CAMK1G: variants seen among roughly 807,000 people sequenced by gnomAD.
CAMK1G encodes the protein calcium/calmodulin dependent protein kinase IG, also known as calcium/calmodulin-dependent protein kinase type 1G.
Under a neutral mutation model 54.8 loss-of-function variants are expected in CAMK1G, and 27 were observed. The ratio of observed to expected loss-of-function variants is 0.49; its 90% CI spans 0.36 to 0.68. The LOEUF (loss-of-function observed/expected upper bound fraction) is 0.68, where lower values mean the gene tolerates loss of function less well. Among genes scored for constraint, CAMK1G ranks in the 30% least tolerant of loss-of-function variants. CAMK1G has a pLI of 0.00. For synonymous variants in CAMK1G, 238 were observed against 224.9 expected (o/e 1.06, Z -0.52); for missense variants, 512 against 591.0 (o/e 0.87, Z 1.39).
At chr1:209,610,288 A>G (rs1335817394) in intron 9 of CAMK1G, among the ~76,000 whole-genome samples, 1 of 152,244 alleles carries the variant, frequency 6.6e-6, no homozygotes, top group African/African-American at 2.4e-5. Flanking sequence ...TCAGGGATCA[A>G]TAACTGTTCC....
intron 2 of CAMK1G, among the ~76,000 whole-genome samples, chr1:209,596,661 C>CCACACA (rs55936082): frequency 0.017 from 2,508 of 148,168 alleles, 41 homozygotes; most frequent in East Asian, 0.073. Context: ...CACACACACA[C>CCACACA]CACACACACA....
chr1:209,605,687 G>T lies in CAMK1G; in HGVS notation c.435+13G>T. On this transcript the variant is annotated intron_variant, in intron 5 of 12. Coordinates refer to ENST00000361322, the MANE Select transcript of CAMK1G (RefSeq NM_020439.3). ...CAGAGACTTAAAGGTGTCAAGGCGGGAGTCCTGGGTGGGAAACAGATAATG... is the reference window on the plus strand; with the variant it reads ...CAGAGACTTAAAGGTGTCAAGGCGGTAGTCCTGGGTGGGAAACAGATAATG... 1 of 1,611,020 alleles carries T rather than the reference G, an allele frequency of 6.2e-7. No homozygotes were observed.
At chr1:209,584,073 C>T (rs571901641) in intron 1 of CAMK1G, 2 of 152,320 alleles carry the variant, frequency 1.3e-5, no homozygotes, top group African/African-American at 2.4e-5. Context: ...TTCATGTGCC[C>T]CTCCTGCAAT....
intron 2 of CAMK1G, among the ~76,000 whole-genome samples, chr1:209,597,570 C>T (rs1255436755): frequency 2.0e-5 from 3 of 152,172 alleles, no homozygotes; most frequent in African/African-American, 7.2e-5. Flanking sequence ...TTTTAATTTC[C>T]AGTGTCTAAT....
At chr1:209,586,675 C>T (rs933154278) in intron 1 of CAMK1G, among the ~76,000 whole-genome samples, 3 of 152,122 alleles carry the variant, frequency 2.0e-5, no homozygotes, top group Non-Finnish European at 4.4e-5. Flanking sequence ...CTTTTGTGCC[C>T]ATTGAAGCAT....
rs772219308 is a variant in CAMK1G at position 209,611,856 on chromosome 1, C to T, written c.980C>T (p.Pro327Leu). The T allele has an allele frequency of 1.9e-5, 31 of 1,614,112 alleles. No homozygotes were observed. Among genetic ancestry groups the T allele is most frequent in the Admixed American group, 1.5e-4 (9 of 60,014 alleles). The change falls in exon 11 of 13, where the codon CCG becomes CTG. Residue 327 changes from proline to leucine, a missense_variant. Physicochemically the swap from Pro to Leu is moderately conservative, Grantham distance 98. This residue lies in a region of CAMK1G where 315 missense variants were observed against 330.5 expected (regional missense o/e 0.95). Transcript: ENST00000361322. ...AAGCTACACATGAACCTGCACAGCC[C>T]GGGCGTCCGCCCAGAGGTGGAGAAC... ...MRKLHMNLHSPGVRPEVENRP... is the reference protein window; with the variant it reads ...MRKLHMNLHSLGVRPEVENRP...
intron 6 of CAMK1G, among the ~76,000 whole-genome samples, chr1:209,607,222 C>G (rs143468384): frequency 7.4e-4 from 112 of 152,286 alleles, no homozygotes; most frequent in African/African-American, 2.6e-3. Flanking sequence ...GTACAAAGCT[C>G]TGGTAGCTGC....
At chr1:209,611,131 A>T (rs1303769932) in intron 9 of CAMK1G, among the ~76,000 whole-genome samples, 2 of 152,248 alleles carry the variant, frequency 1.3e-5, no homozygotes, top group Non-Finnish European at 2.9e-5. Flanking sequence ...CTGCTGTCAC[A>T]GTGCAAAAGG....
Position 209,613,075 on chromosome 1 carries a change from G to T in CAMK1G, c.*73G>T. 9.5e-6 allele frequency: 5 copies of T among 528,546 alleles called. No homozygotes were observed. The highest frequency in any genetic ancestry group is 1.7e-5 in the Non-Finnish European group (5 of 289,842). 32.7% of individuals were successfully genotyped at this position (528,546 alleles called of 1,614,324 possible). ...CAACTCCTCTGCTCTTCCAAACCTG[G>T]TGTCTATCCGGCAGAGGGAGGAAGG... On this transcript the variant is annotated 3_prime_UTR_variant, in exon 13 of 13. Coordinates refer to ENST00000361322, the MANE Select transcript of CAMK1G (RefSeq NM_020439.3).
rs370631457 is a variant in CAMK1G at position 209,611,471 on chromosome 1, C to T, written c.834C>T (p.Asp278=). ...TCCCCTCTTACATCCACAGGATTGA[C>T]GGAAACACAGCCCTCCACCGGGACA... ...CEKALSHPWI[D]GNTALHRDIY... Residue 278 remains aspartate (D), a synonymous_variant, in exon 10 of 13, where the codon GAC becomes GAT. Coordinates refer to ENST00000361322, the MANE Select transcript of CAMK1G (RefSeq NM_020439.3). The T allele has an allele frequency of 7.7e-5, 125 of 1,614,070 alleles. No individual in the cohort carries two copies. Among genetic ancestry groups the T allele is most frequent in the Non-Finnish European group, 9.5e-5 (112 of 1,179,980 alleles).
At chr1:209,588,691 T>G (rs748144028) in intron 1 of CAMK1G, among the ~76,000 whole-genome samples, 1 of 152,156 alleles carries the variant, frequency 6.6e-6, no homozygotes, top group Non-Finnish European at 1.5e-5. Flanking sequence ...AGGAGGCCAC[T>G]GCAGACAAAG....
At chr1:209,605,318 T>C (rs988694310) in intron 4 of CAMK1G, among the ~76,000 whole-genome samples, 2 of 152,176 alleles carry the variant, frequency 1.3e-5, no homozygotes, top group Non-Finnish European at 2.9e-5. Context: ...GAGAGGTCAA[T>C]GCTTGGCCCA....
rs564689200 is a variant in CAMK1G, at chr1:209,595,707, G to A, written c.92+632G>A. 1.7e-3 allele frequency among the ~76,000 whole-genome samples: 252 copies of A among 152,326 alleles called. 1 individual carries two copies. Among genetic ancestry groups the A allele is most frequent in the African/African-American group, 5.4e-3 (224 of 41,570 alleles). Reference sequence around the variant, plus strand: ...GGGACTTTTGAGGCCCAGGGAGCTCGTGGGTCACACACACCTGAATCAGCC... The same window carrying A: ...GGGACTTTTGAGGCCCAGGGAGCTCATGGGTCACACACACCTGAATCAGCC... On this transcript the variant is annotated intron_variant, in intron 2 of 12. Coordinates refer to ENST00000361322, the MANE Select transcript of CAMK1G (RefSeq NM_020439.3).
chr1:209,605,781 C>A (rs11119313), intron 5 of CAMK1G, 107 bp downstream of exon 5: 187,625 of 1,112,176 alleles, frequency 0.17, 16,984 homozygotes, highest in African/African-American at 0.3. Context: ...GGACTAGTGA[C>A]TCCCAAGGCC....
chr1:209,604,709 G>A (rs1482917051), intron 4 of CAMK1G, among the ~76,000 whole-genome samples: 1 of 152,170 alleles, frequency 6.6e-6, no homozygotes, highest in Non-Finnish European at 1.5e-5. Flanking sequence ...AAGCCCTCCG[G>A]AGAGCATTTC....
chr1:209,594,971 A>C lies in CAMK1G; in HGVS notation c.-13A>C, dbSNP rs116319471. ...GCAATAAAGCATCCTCAGAAGCTTC[A>C]ACTCTGGAGGCAATGGGTCGAAAGG... On this transcript the variant is annotated 5_prime_UTR_variant, in exon 2 of 13. Transcript: ENST00000361322. 5.4e-4 allele frequency: 872 copies of C among 1,612,198 alleles called. 6 individuals are homozygous for C. The African/African-American group carries it at 0.011, about 20-fold the overall frequency.
In CAMK1G at chr1:209,609,954, T is replaced by C. The variant is rs200728472; in HGVS notation, c.827+25T>C. 6.7e-4 allele frequency: 1,067 copies of C among 1,584,324 alleles called. No individual in the cohort carries two copies. The Middle Eastern group carries it at 0.012, about 18-fold the overall frequency. On this transcript the variant is annotated intron_variant, in intron 9 of 12. Transcript: ENST00000361322. ...GGTGAGTGAGACATGGAGTGGACTC[T>C]AGACCCCAGCCCTGTAGTTCCCAAA...
intron 7 of CAMK1G, 84 bp from the exon 8 acceptor site, chr1:209,608,896 C>T: frequency 2.5e-6 from 4 of 1,570,548 alleles, no homozygotes; most frequent in Non-Finnish European, 3.5e-6. Context: ...CCTGTGTATA[C>T]AGTGGGAGCT....
chr1:209,591,355 C>T (rs190292080), intron 1 of CAMK1G, among the ~76,000 whole-genome samples: 1 of 152,308 alleles, frequency 6.6e-6, no homozygotes, highest in Non-Finnish European at 1.5e-5. Context: ...TTCTCACATG[C>T]ATTTTTTAAT....
Sources: gnomAD v4.1 joint callset for allele counts (sites outside exome capture counted in the v4.1 genomes callset) on GRCh38, gnomAD v4.1.1 for gene constraint, gnomAD v4.1.1 regional missense constraint, MANE v1.5 for transcripts, NCBI Gene and HGNC (gene_info 2026-07-23, HGNC 2026-07-21) for gene names.